ADAM17: variants seen among roughly 807,000 people sequenced by gnomAD.
The protein encoded by ADAM17 is ADAM metallopeptidase domain 17.
ADAM17 carries 39 observed loss-of-function variants against 96.7 expected under a neutral mutation model. The observed-to-expected ratio is 0.40, with a 90% CI of 0.31 to 0.53. ADAM17 has a LOEUF of 0.53. Ranked by LOEUF, ADAM17 falls within the 20% of genes least tolerant of loss-of-function variation. ADAM17 has a pLI of 0.44. For missense variants in ADAM17, 777 were observed against 1,013.2 expected, an observed-to-expected ratio of 0.77 and a Z score of 3.17; for synonymous variants, 344 against 359.2, an observed-to-expected ratio of 0.96 and a Z score of 0.48.
chr2:9,517,923 T>A lies in ADAM17; in HGVS notation c.1169A>T (p.Tyr390Phe). Residue 390 changes from tyrosine to phenylalanine, a missense_variant, in exon 10 of 19, where the codon TAT becomes TTT. Tyr to Phe is a conservative substitution (Grantham distance 22). Coordinates refer to ENST00000310823, the MANE Select transcript of ADAM17 (RefSeq NM_003183.6). ...LNSGLTSTKN[Y>F]GKTILTKEAD... ...TACCTTTGTAAGGATGGTTTTACCA[T>A]AATTCTTTGTGCTCGTCAAACCACT... 6.2e-7 allele frequency: 1 copy of A among 1,601,684 alleles called. No homozygotes were observed. The highest frequency in any genetic ancestry group is 1.7e-4 in the Middle Eastern group (1 of 5,772).
At chr2:9,542,625 C>T (rs1050654027) in intron 2 of ADAM17, among the ~76,000 whole-genome samples, 4 of 149,688 alleles carry the variant, frequency 2.7e-5, no homozygotes, top group Admixed American at 1.3e-4. Flanking sequence ...TTCTAAACAT[C>T]GTTACCATCA....
intron 4 of ADAM17, among the ~76,000 whole-genome samples, chr2:9,534,081 C>G (rs539880104): frequency 6.6e-6 from 1 of 152,154 alleles, no homozygotes; most frequent in Admixed American, 6.6e-5. Context: ...AGAAACAAAA[C>G]AGTTGAGGCC....
rs761148326 is a variant in ADAM17 at position 9,493,737 on chromosome 2, A to G, written c.1993+10T>C. ...CAGCTCTCAGTAAGTAATCTGGGGA[A>G]ATCACCTACCAAAAGTATTGATGCT... On this transcript the variant is annotated intron_variant, in intron 16 of 18. Transcript: ENST00000310823. The G allele has an allele frequency of 6.2e-7, 1 of 1,611,054 alleles. No homozygotes were observed. The highest frequency in any genetic ancestry group is 2.2e-5 in the East Asian group (1 of 44,840).
intron 1 of ADAM17, among the ~76,000 whole-genome samples, chr2:9,544,127 C>T (rs1231220139): frequency 4.6e-5 from 7 of 152,178 alleles, no homozygotes; most frequent in Admixed American, 1.3e-4. Flanking sequence ...AATACCCTAC[C>T]CTCCTACCCT....
intron 4 of ADAM17, among the ~76,000 whole-genome samples, chr2:9,531,589 C>T (rs1294192334): frequency 3.3e-5 from 5 of 152,122 alleles, no homozygotes; most frequent in Non-Finnish European, 7.4e-5. Context: ...GTAATCCCAG[C>T]TACTTGGGAG....
chr2:9,511,960 G>C (rs547483729), intron 10 of ADAM17, among the ~76,000 whole-genome samples: 39 of 151,718 alleles, frequency 2.6e-4, no homozygotes, highest in African/African-American at 8.7e-4. Context: ...AAAAGAGTGA[G>C]AGTCTGTCTT....
intron 17 of ADAM17, 47 bp downstream of exon 17, chr2:9,492,851 T>C: frequency 1.3e-6 from 2 of 1,515,372 alleles, no homozygotes; most frequent in East Asian, 2.4e-5. Context: ...TTGGAGTTGA[T>C]CAAAATTTAA....
intron 10 of ADAM17, chr2:9,512,556 C>A (rs1348542757): frequency 1.3e-5 from 2 of 152,222 alleles, no homozygotes; most frequent in African/African-American, 4.8e-5. Flanking sequence ...TCCTGTCCTC[C>A]TTTTACCTGA....
At chr2:9,502,345 G>T in intron 12 of ADAM17, 69 bp from the exon 13 acceptor site, 2 of 1,378,398 alleles carry the variant, frequency 1.5e-6, no homozygotes, top group Non-Finnish European at 2.0e-6. Context: ...AAACGCTACA[G>T]TTACGTTACA....
At chr2:9,494,571 C>G (rs948821580) in intron 15 of ADAM17, 66 bp downstream of exon 15, 8 of 1,578,196 alleles carry the variant, frequency 5.1e-6, no homozygotes, top group Non-Finnish European at 6.9e-6. Flanking sequence ...TCTGCAAAAT[C>G]AAGTACTTAC....
chr2:9,502,120 G>GACAC lies in ADAM17; in HGVS notation c.1648+49_1648+52dup, dbSNP rs1432363708. On this transcript the variant is annotated intron_variant, in intron 13 of 18. Coordinates refer to ENST00000310823, the MANE Select transcript of ADAM17 (RefSeq NM_003183.6). ...ACAAAACATAATCTTGTTTTTCAAA[G>GACAC]ACACACACACACTTGACCCACAGCA... The GACAC allele has an allele frequency of 3.5e-5, 50 of 1,443,680 alleles. 1 individual carries two copies. The South Asian group carries it at 5.5e-4, about 16-fold the overall frequency. 89.4% of individuals were successfully genotyped at this position (1,443,680 alleles called of 1,614,324 possible).
chr2:9,523,200 T>C, intron 7 of ADAM17, 49 bp downstream of exon 7: 2 of 1,396,396 alleles, frequency 1.4e-6, no homozygotes, highest in African/African-American at 1.4e-5. Flanking sequence ...GTGACAAATA[T>C]TTACATTACA....
chr2:9,494,591 A>G, intron 15 of ADAM17, 46 bp downstream of exon 15: 1 of 1,602,066 alleles, frequency 6.2e-7, no homozygotes, highest in Non-Finnish European at 8.5e-7. Context: ...CAAAATAAAA[A>G]CTTCCTATCT....
In ADAM17 at chr2:9,490,438, G is replaced by A. The variant is rs759443841; in HGVS notation, c.2214C>T (p.Arg738=). The change falls in exon 19 of 19, where the codon CGC becomes CGT. Residue 738 remains arginine, a synonymous_variant. Coordinates refer to ENST00000310823, the MANE Select transcript of ADAM17 (RefSeq NM_003183.6). The part of the protein sequence containing the change: ...KPFPAPQTPG[R]LQPAPVIPSA... ...AAGGGATCACAGGGGCAGGCTGCAG[G>A]CGGCCTGGAGTCTGGGGCGCAGGAA... The A allele has an allele frequency of 1.2e-6, 2 of 1,614,188 alleles. No homozygotes were observed. The highest frequency in any genetic ancestry group is 1.7e-6 in the Non-Finnish European group (2 of 1,180,032).
intron 1 of ADAM17, among the ~76,000 whole-genome samples, chr2:9,546,063 A>G (rs934639130): frequency 2.7e-5 from 4 of 150,132 alleles, no homozygotes; most frequent in African/African-American, 9.8e-5. Flanking sequence ...GCACCACTGC[A>G]CTCCAGCCTG....
chr2:9,518,839 C>T (rs1664186414), intron 8 of ADAM17, among the ~76,000 whole-genome samples: 1 of 151,152 alleles, frequency 6.6e-6, no homozygotes, highest in East Asian at 1.9e-4. Flanking sequence ...TCATACATTA[C>T]TTTAAAAACC....
At chr2:9,514,472 C>A (rs62117545) in intron 10 of ADAM17, among the ~76,000 whole-genome samples, 20,173 of 138,884 alleles carry the variant, frequency 0.15, 1,585 homozygotes, top group Non-Finnish European at 0.17. Context: ...ATGTAACAAA[C>A]CTGCACGTTG....
chr2:9,531,701 C>T (rs924661157), intron 4 of ADAM17, among the ~76,000 whole-genome samples: 18 of 151,996 alleles, frequency 1.2e-4, no homozygotes, highest in African/African-American at 4.3e-4. Flanking sequence ...GACTCCATCT[C>T]AAATAAATAA....
chr2:9,528,301 A>G (rs1360665653), intron 4 of ADAM17, among the ~76,000 whole-genome samples: 1 of 152,196 alleles, frequency 6.6e-6, no homozygotes, highest in Non-Finnish European at 1.5e-5. Context: ...GTACACTGGC[A>G]CTGTTATAGG....
Sources: gnomAD v4.1 joint callset for allele counts (sites outside exome capture counted in the v4.1 genomes callset) on GRCh38, gnomAD v4.1.1 for gene constraint, MANE v1.5 for transcripts, NCBI Gene and HGNC (gene_info 2026-07-23, HGNC 2026-07-21) for gene names.